Variants in TRPM3 observed in about 807,000 individuals in gnomAD.
TRPM3 encodes the protein transient receptor potential cation channel subfamily M member 3.
TRPM3 carries 77 observed loss-of-function variants against 181.2 expected under a neutral mutation model. The ratio of observed to expected loss-of-function variants is 0.42; its 90% CI spans 0.35 to 0.51. The LOEUF is 0.51. Ranked by LOEUF, TRPM3 falls within the 20% of genes least tolerant of loss-of-function variation. The pLI, the probability that TRPM3 is intolerant of heterozygous loss-of-function variation, is 0.01. For missense variants in TRPM3, 1,759 were observed against 2,196.7 expected (o/e 0.80, Z 3.98); for synonymous variants, 745 against 796.4 (o/e 0.94, Z 1.09).
intron 1 of TRPM3, among the ~76,000 whole-genome samples, chr9:71,346,585 A>G (rs935705887): frequency 6.6e-6 from 1 of 152,226 alleles, no homozygotes; most frequent in African/African-American, 2.4e-5. Context: ...TTTTAACTGG[A>G]AAGAGGTGCC....
rs762442184 is a variant in TRPM3, at chr9:71,421,770, T to C, written c.183+24883A>G. On this transcript the variant is annotated intron_variant, in intron 1 of 24. Coordinates refer to the TRPM3 transcript ENST00000357533. ...GGACTGTGCCGAGTGCTGTTAGCAA[T>C]TGTCACACAATGTTAAGTATTTGTG... 7.9e-5 allele frequency among the ~76,000 whole-genome samples: 12 copies of C among 152,122 alleles called. No individual in the cohort carries two copies. The Middle Eastern group carries it at 0.014, about 172-fold the overall frequency.
intron 1 of TRPM3, among the ~76,000 whole-genome samples, chr9:71,337,005 A>G (rs1485748959): frequency 6.6e-6 from 1 of 152,202 alleles, no homozygotes; most frequent in Non-Finnish European, 1.5e-5. Context: ...AAACACTAGA[A>G]GAAAACCTAG....
chr9:71,313,250 T>C (rs555695879), intron 1 of TRPM3, among the ~76,000 whole-genome samples: 1 of 151,842 alleles, frequency 6.6e-6, no homozygotes, highest in South Asian at 2.1e-4. Context: ...GACAAAACAC[T>C]AAAAATTTTT....
At chr9:71,350,072 T>C (rs892596271) in intron 1 of TRPM3, among the ~76,000 whole-genome samples, 2 of 151,534 alleles carry the variant, frequency 1.3e-5, no homozygotes, top group African/African-American at 4.9e-5. Flanking sequence ...TACTACTAAT[T>C]ATACACACTC....
chr9:70,856,455 T>C (rs528421966), intron 3 of TRPM3, among the ~76,000 whole-genome samples: 50 of 152,334 alleles, frequency 3.3e-4, no homozygotes, highest in African/African-American at 1.2e-3. Flanking sequence ...ACTTGGTGTG[T>C]GCCAATCAGT....
rs2095559396 is a variant in TRPM3 at position 70,863,007 on chromosome 9, C to A, written c.363G>T (p.Gln121His). 6.2e-7 allele frequency: 1 copy of A among 1,613,658 alleles called. No homozygotes were observed. The highest frequency in any genetic ancestry group is 8.5e-7 in the Non-Finnish European group (1 of 1,179,726). ...GTTTGCTGATGGACCACTTTTCAGACTGGATGTCATTTCGGGAGAGGCGAC... is the reference window on the plus strand; with the variant it reads ...GTTTGCTGATGGACCACTTTTCAGAATGGATGTCATTTCGGGAGAGGCGAC... ...NESRLSRNDI[Q>H]SEKWSISKHT... Residue 121 changes from glutamine to histidine, a missense_variant, in exon 3 of 26, where the codon CAG becomes CAT. This residue lies in a region of TRPM3 where 737 missense variants were observed against 957.4 expected (regional missense o/e 0.77). Transcript: ENST00000677713.
chr9:71,387,238 C>G (rs1436124136), intron 1 of TRPM3, among the ~76,000 whole-genome samples: 1 of 152,132 alleles, frequency 6.6e-6, no homozygotes, highest in Non-Finnish European at 1.5e-5. Flanking sequence ...GCCTCAGGAA[C>G]CACTGCATTG....
chr9:71,204,037 C>T (rs956432356), intron 1 of TRPM3, among the ~76,000 whole-genome samples: 2 of 151,812 alleles, frequency 1.3e-5, no homozygotes, highest in Non-Finnish European at 2.9e-5. Context: ...GGATCCCTTC[C>T]TTACACCTTA....
chr9:70,688,225 C>A (rs2067494164), intron 8 of TRPM3, among the ~76,000 whole-genome samples: 1 of 152,140 alleles, frequency 6.6e-6, no homozygotes, highest in African/African-American at 2.4e-5. Flanking sequence ...GGCCTTCATT[C>A]CCTATGACAT....
intron 6 of TRPM3, among the ~76,000 whole-genome samples, chr9:70,784,517 G>C (rs955511031): frequency 2.0e-5 from 3 of 152,108 alleles, no homozygotes; most frequent in Admixed American, 6.5e-5. Context: ...GGATGCTGGG[G>C]TCAGTGAAGG....
chr9:70,607,333 T>C (rs2061341667), intron 19 of TRPM3, among the ~76,000 whole-genome samples: 1 of 152,238 alleles, frequency 6.6e-6, no homozygotes, highest in Non-Finnish European at 1.5e-5. Context: ...TGAATTGTAC[T>C]GTTAAGCATG....
At position 70,940,596 on chromosome 9, in the gene TRPM3, T is replaced by C. The variant is rs146009229; in HGVS notation, c.178-76085A>G. ...CACTAAGGAAGTAAAAAAAGAAATA[T>C]ATAAGAGCAATATAAATAGTGTGAA... On this transcript the variant is annotated intron_variant, in intron 1 of 25. Transcript: ENST00000677713. Among the ~76,000 whole-genome samples the C allele has an allele frequency of 4.0e-3, 612 of 152,244 alleles. 4 individuals carry two copies. The highest frequency in any genetic ancestry group is 0.014 in the African/African-American group (576 of 41,530).
At chr9:70,585,690 C>T (rs186583194) in intron 22 of TRPM3, among the ~76,000 whole-genome samples, 17 of 152,290 alleles carry the variant, frequency 1.1e-4, no homozygotes, top group Admixed American at 5.9e-4. Flanking sequence ...TTTCCAGGTT[C>T]TTTTGATTGT....
In TRPM3 at chr9:71,232,781, A is replaced by G. The variant is rs1436314698; in HGVS notation, c.183+213872T>C. On this transcript the variant is annotated intron_variant, in intron 1 of 24. Transcript: ENST00000357533. ...CCAAAGTGCTAGGATTACAGGAGTG[A>G]GCCATCACACCTGACCAGTATTCAT... 2.6e-5 allele frequency among the ~76,000 whole-genome samples: 4 copies of G among 152,098 alleles called. No individual in the cohort carries two copies. In the East Asian group the frequency reaches 7.7e-4, roughly 29 times the overall value.
At chr9:71,295,128 T>A (rs1565433442) in intron 1 of TRPM3, among the ~76,000 whole-genome samples, 1 of 152,168 alleles carries the variant, frequency 6.6e-6, no homozygotes, top group South Asian at 2.1e-4. Context: ...ATGTGATATA[T>A]CTCATAATAC....
At chr9:70,755,129 A>AAC (rs1207392787) in intron 8 of TRPM3, among the ~76,000 whole-genome samples, 2 of 152,156 alleles carry the variant, frequency 1.3e-5, no homozygotes, top group Admixed American at 1.3e-4. Flanking sequence ...GCTTCTTAAG[A>AAC]ACACACAGGC....
At chr9:71,044,754 C>A (rs933879016) in intron 1 of TRPM3, among the ~76,000 whole-genome samples, 1 of 152,110 alleles carries the variant, frequency 6.6e-6, no homozygotes, top group Non-Finnish European at 1.5e-5. Flanking sequence ...TCACTGCAAC[C>A]TCCGCCTCCC....
intron 1 of TRPM3, among the ~76,000 whole-genome samples, chr9:71,308,847 T>C (rs2087638342): frequency 6.6e-6 from 1 of 151,728 alleles, no homozygotes; most frequent in Admixed American, 6.6e-5. Flanking sequence ...CATTGGGTCT[T>C]GCATTGACAT....
intron 1 of TRPM3, among the ~76,000 whole-genome samples, chr9:71,422,357 G>A (rs959341053): frequency 4.6e-5 from 7 of 152,038 alleles, no homozygotes; most frequent in Admixed American, 3.3e-4. Context: ...AGCAAGCAAT[G>A]CCACTTGCAT....
Sources: allele counts gnomAD v4.1 joint callset (sites outside exome capture counted in the v4.1 genomes callset), GRCh38; gene constraint gnomAD v4.1.1; regional missense constraint gnomAD v4.1.1; transcripts MANE v1.5; gene names NCBI Gene and HGNC (gene_info 2026-07-23, HGNC 2026-07-21).